Variants in FSTL5 observed in about 807,000 individuals in gnomAD.
FSTL5 encodes the protein follistatin like 5, also known as follistatin-related protein 5.
A neutral mutation model predicts 89.1 loss-of-function variants in FSTL5; 62 were observed. The observed-to-expected ratio is 0.70, with a 90% CI of 0.57 to 0.86. The LOEUF is 0.86. FSTL5 is among the 40% of genes least tolerant of loss of function. FSTL5 has a pLI of 0.00. For missense variants in FSTL5, 1,057 were observed against 1,001.6 expected, an observed-to-expected ratio of 1.06 and a Z score of -0.75; for synonymous variants, 383 against 346.2, an observed-to-expected ratio of 1.11 and a Z score of -1.18.
chr4:162,067,673 C>T, intron 2 of FSTL5, among the ~76,000 whole-genome samples: 1 of 151,968 alleles, frequency 6.6e-6, no homozygotes, highest in Non-Finnish European at 1.5e-5. Flanking sequence ...CTTACCACTC[C>T]AACATAATAT....
chr4:162,160,104 A>G (rs1733636865), intron 1 of FSTL5, among the ~76,000 whole-genome samples: 1 of 151,946 alleles, frequency 6.6e-6, no homozygotes, highest in Non-Finnish European at 1.5e-5. Flanking sequence ...GTGTATATAC[A>G]TATATGTGTA....
intron 3 of FSTL5, among the ~76,000 whole-genome samples, chr4:161,951,245 T>C (rs144981044): frequency 1.1e-4 from 17 of 152,212 alleles, no homozygotes; most frequent in Non-Finnish European, 1.9e-4. Flanking sequence ...CTTGATAAAT[T>C]ACCCAGTCTT....
intron 8 of FSTL5, among the ~76,000 whole-genome samples, chr4:161,579,047 T>C (rs937757171): frequency 6.6e-6 from 1 of 152,100 alleles, no homozygotes; most frequent in Non-Finnish European, 1.5e-5. Context: ...GGATCAGAAA[T>C]GCAAATGTTT....
intron 4 of FSTL5, among the ~76,000 whole-genome samples, chr4:161,818,601 C>T (rs1666334410): frequency 6.6e-6 from 1 of 152,190 alleles, no homozygotes; most frequent in Admixed American, 6.5e-5. Flanking sequence ...GAGGTTTGAG[C>T]AGTGGGGCAT....
chr4:161,747,085 TA>T (rs1176338218), intron 6 of FSTL5, among the ~76,000 whole-genome samples: 5 of 152,220 alleles, frequency 3.3e-5, no homozygotes, highest in African/African-American at 9.6e-5. Flanking sequence ...TTTAATTTCC[TA>T]AATAACAGAA....
chr4:161,562,550 C>A (rs1231711988), intron 8 of FSTL5, among the ~76,000 whole-genome samples: 1 of 151,770 alleles, frequency 6.6e-6, no homozygotes, highest in Non-Finnish European at 1.5e-5. Context: ...AAGTCTTCTG[C>A]TTATTTGGTT....
chr4:162,104,100 C>A (rs534639773), intron 2 of FSTL5, among the ~76,000 whole-genome samples: 23 of 152,368 alleles, frequency 1.5e-4, no homozygotes, highest in Non-Finnish European at 2.9e-4. Context: ...CTATCGCAGA[C>A]CCACTGCTGA....
intron 8 of FSTL5, among the ~76,000 whole-genome samples, chr4:161,577,327 G>A (rs550989413): frequency 2.6e-5 from 4 of 152,116 alleles, no homozygotes; most frequent in African/African-American, 9.6e-5. Flanking sequence ...TGACATGATA[G>A]AGAAGGTTAT....
chr4:161,962,123 A>G (rs1735197550), intron 3 of FSTL5, among the ~76,000 whole-genome samples: 2 of 151,962 alleles, frequency 1.3e-5, no homozygotes, highest in African/African-American at 4.8e-5. Context: ...AATATTAAAT[A>G]TGAGTACAAT....
chr4:161,791,853 A>G (rs55811507), intron 4 of FSTL5, among the ~76,000 whole-genome samples: 21,260 of 152,232 alleles, frequency 0.14, 2,846 homozygotes, highest in African/African-American at 0.35. Flanking sequence ...GATGGAAGCA[A>G]CAGCCCATCT....
intron 15 of FSTL5, among the ~76,000 whole-genome samples, chr4:161,421,738 G>C (rs1731997901): frequency 6.6e-6 from 1 of 152,194 alleles, no homozygotes; most frequent in African/African-American, 2.4e-5. Flanking sequence ...TTGAGGGCTT[G>C]AATAGAACAA....
chr4:161,477,603 A>G (rs1377569060), intron 13 of FSTL5, among the ~76,000 whole-genome samples: 1 of 150,806 alleles, frequency 6.6e-6, no homozygotes. Flanking sequence ...AATACACTGC[A>G]TTATTTGATT....
chr4:161,766,931 G>T (rs1328507585), intron 5 of FSTL5, among the ~76,000 whole-genome samples: 2 of 151,918 alleles, frequency 1.3e-5, no homozygotes, highest in Non-Finnish European at 2.9e-5. Context: ...TAGATAGATA[G>T]ATAGATAGAT....
At chr4:161,919,778 T>C (rs1733941164) in intron 4 of FSTL5, among the ~76,000 whole-genome samples, 1 of 151,904 alleles carries the variant, frequency 6.6e-6, no homozygotes, top group South Asian at 2.1e-4. Context: ...AATGATTTAT[T>C]TATGTGGCAT....
intron 10 of FSTL5, among the ~76,000 whole-genome samples, chr4:161,521,166 C>T (rs1363036200): frequency 6.6e-6 from 1 of 152,112 alleles, no homozygotes; most frequent in Non-Finnish European, 1.5e-5. Context: ...ATCTGTTCTC[C>T]TAAAACATTT....
intron 6 of FSTL5, among the ~76,000 whole-genome samples, chr4:161,689,939 C>G (rs564551005): frequency 6.6e-6 from 1 of 152,112 alleles, no homozygotes; most frequent in African/African-American, 2.4e-5. Context: ...ACTTATCATA[C>G]TTTCGAGATT....
intron 6 of FSTL5, among the ~76,000 whole-genome samples, chr4:161,724,330 G>A (rs968362667): frequency 1.1e-4 from 16 of 151,980 alleles, no homozygotes; most frequent in Non-Finnish European, 2.2e-4. Context: ...TAGCAAAAAA[G>A]ATCTCCTGGA....
chr4:161,754,725 C>G (rs563264015), intron 6 of FSTL5, among the ~76,000 whole-genome samples: 1 of 152,100 alleles, frequency 6.6e-6, no homozygotes, highest in African/African-American at 2.4e-5. Flanking sequence ...ATAACCTAAG[C>G]AAATAAAGAC....
intron 6 of FSTL5, among the ~76,000 whole-genome samples, chr4:161,680,236 G>T (rs1317045139): frequency 6.6e-6 from 1 of 151,772 alleles, no homozygotes; most frequent in Non-Finnish European, 1.5e-5. Context: ...TACTTAACAG[G>T]ATACAAAGTG....
Sources: gnomAD v4.1 joint callset for allele counts (sites outside exome capture counted in the v4.1 genomes callset) on GRCh38, gnomAD v4.1.1 for gene constraint, MANE v1.5 for transcripts, NCBI Gene and HGNC (gene_info 2026-07-23, HGNC 2026-07-21) for gene names.